The following RORB variants were observed in gnomAD, a reference collection of about 807,000 sequenced individuals.
RORB encodes the protein nuclear receptor ROR-beta.
Under a neutral mutation model 59.1 loss-of-function variants are expected in RORB, and 6 were observed. The ratio of observed to expected loss-of-function variants is 0.10; its 90% CI spans 0.06 to 0.20. The LOEUF is 0.20. Among genes scored for constraint, RORB ranks in the 10% least tolerant of loss-of-function variants. RORB has a pLI of 1.00. For synonymous variants in RORB, 215 were observed against 204.5 expected, an observed-to-expected ratio of 1.05 and a Z score of -0.44; for missense variants, 320 against 560.5, an observed-to-expected ratio of 0.57 and a Z score of 4.33.
chr9:74,503,860 C>T (rs1031727004), intron 1 of RORB, among the ~76,000 whole-genome samples: 3 of 151,950 alleles, frequency 2.0e-5, no homozygotes, highest in African/African-American at 7.2e-5. Context: ...TCTTTCATAG[C>T]GCATATGCTG....
intron 1 of RORB, among the ~76,000 whole-genome samples, chr9:74,538,101 C>T (rs965364739): frequency 1.6e-4 from 25 of 151,988 alleles, no homozygotes; most frequent in African/African-American, 5.1e-4. Context: ...TTTACTGTTA[C>T]GTTACAATTG....
intron 1 of RORB, among the ~76,000 whole-genome samples, chr9:74,601,529 G>A (rs146030129): frequency 0.013 from 2,013 of 152,102 alleles, 22 homozygotes; most frequent in Non-Finnish European, 0.021. Flanking sequence ...AAGTTCTAAC[G>A]TGTGAATAAA....
chr9:74,627,633 G>A (rs1047451542), intron 1 of RORB, among the ~76,000 whole-genome samples: 1 of 152,024 alleles, frequency 6.6e-6, no homozygotes, highest in African/African-American at 2.4e-5. Context: ...AGAACTTATA[G>A]AAGCAGATTC....
At chr9:74,627,763 G>C (rs55962158) in intron 1 of RORB, among the ~76,000 whole-genome samples, 26,218 of 151,208 alleles carry the variant, frequency 0.17, 2,763 homozygotes, top group Non-Finnish European at 0.24. Context: ...TTTTGTAATC[G>C]TTATAAACAA....
intron 8 of RORB, among the ~76,000 whole-genome samples, chr9:74,668,901 G>A (rs1305902025): frequency 6.6e-6 from 1 of 152,110 alleles, no homozygotes; most frequent in Non-Finnish European, 1.5e-5. Context: ...ACAGCAGAGG[G>A]GAAAATGACT....
intron 2 of RORB, among the ~76,000 whole-genome samples, chr9:74,631,962 A>G (rs1823625482): frequency 6.6e-6 from 1 of 152,210 alleles, no homozygotes; most frequent in South Asian, 2.1e-4. Context: ...AATCCTCTCC[A>G]TTGAAAGTAT....
chr9:74,655,290 G>A (rs780001118), intron 4 of RORB, among the ~76,000 whole-genome samples: 31 of 152,210 alleles, frequency 2.0e-4, no homozygotes, highest in Non-Finnish European at 4.4e-4. Flanking sequence ...GAGTTTGTGT[G>A]CATCACCTTT....
chr9:74,568,636 G>T (rs930523185), intron 1 of RORB, among the ~76,000 whole-genome samples: 1 of 148,714 alleles, frequency 6.7e-6, no homozygotes, highest in Non-Finnish European at 1.5e-5. Flanking sequence ...GGAAGCAGAG[G>T]TTGAAGTGAG....
At chr9:74,648,587 T>C (rs1823938975) in intron 4 of RORB, among the ~76,000 whole-genome samples, 1 of 152,162 alleles carries the variant, frequency 6.6e-6, no homozygotes, top group Admixed American at 6.5e-5. Context: ...GCCAGCACAC[T>C]TCCCTCCTGG....
chr9:74,565,395 A>G (rs111544357), intron 1 of RORB, among the ~76,000 whole-genome samples: 2 of 152,172 alleles, frequency 1.3e-5, no homozygotes, highest in African/African-American at 4.8e-5. Flanking sequence ...TTTGAGACAT[A>G]TTCACTTCAA....
At chr9:74,607,820 C>G (rs1463998451) in intron 1 of RORB, among the ~76,000 whole-genome samples, 1 of 152,102 alleles carries the variant, frequency 6.6e-6, no homozygotes, top group Non-Finnish European at 1.5e-5. Flanking sequence ...TAATGACAAA[C>G]TAATCTCATA....
At chr9:74,580,963 G>A (rs1415031529) in intron 1 of RORB, among the ~76,000 whole-genome samples, 2 of 152,110 alleles carry the variant, frequency 1.3e-5, no homozygotes, top group African/African-American at 4.8e-5. Context: ...ATGAAGTTTT[G>A]CCCCACCCAG....
intron 1 of RORB, among the ~76,000 whole-genome samples, chr9:74,596,577 C>T (rs932704): frequency 0.78 from 118,691 of 152,076 alleles, 46,682 homozygotes; most frequent in East Asian, 0.92. Flanking sequence ...AGAACACACA[C>T]TGATTCAGTG....
At chr9:74,637,307 T>G (rs532511673) in intron 3 of RORB, among the ~76,000 whole-genome samples, 1 of 152,344 alleles carries the variant, frequency 6.6e-6, no homozygotes, top group Admixed American at 6.5e-5. Context: ...AGGAAATAGC[T>G]TAAAATAACT....
Position 74,508,023 on chromosome 9 carries a change from A to G in RORB, c.7+10040A>G, listed in dbSNP as rs180989928. 3.9e-4 allele frequency among the ~76,000 whole-genome samples: 59 copies of G among 152,132 alleles called. 1 individual carries two copies. In the East Asian group the frequency reaches 0.011, roughly 29 times the overall value. On this transcript the variant is annotated intron_variant, in intron 1 of 9. Transcript: ENST00000376896. The stretch of plus-strand genomic sequence containing the variant: ...TTATTTAGAATTTTTTCAGATCTCA[A>G]CTTATTGATCTGTTTGCTCTAAAAT...
chr9:74,568,944 A>G (rs1822509830), intron 1 of RORB, among the ~76,000 whole-genome samples: 1 of 152,042 alleles, frequency 6.6e-6, no homozygotes, highest in Non-Finnish European at 1.5e-5. Flanking sequence ...CATACACTCA[A>G]AAAAGCCCTT....
At chr9:74,682,912 C>A (rs1824570795) in intron 9 of RORB, among the ~76,000 whole-genome samples, 1 of 152,138 alleles carries the variant, frequency 6.6e-6, no homozygotes, top group African/African-American at 2.4e-5. Flanking sequence ...ATTCTGAAAA[C>A]CAGTTGTAAA....
intron 1 of RORB, among the ~76,000 whole-genome samples, chr9:74,564,224 C>T (rs998954391): frequency 2.6e-5 from 4 of 152,164 alleles, no homozygotes; most frequent in Non-Finnish European, 5.9e-5. Flanking sequence ...GGTGTTCTAA[C>T]ATCTGTCCAT....
rs201358985 is a variant in RORB at position 74,497,711 on chromosome 9, A to AT, written c.-257dup. On this transcript the variant is annotated 5_prime_UTR_variant, in exon 1 of 10. Transcript: ENST00000376896. ...AACCCAGGCACCAGACAGCCAGAAC[A>AT]TTTTTTTTTCACCCTTCCTGAAAAC... The AT allele has an allele frequency of 1.0e-3, 516 of 499,184 alleles. No individual in the cohort carries two copies. The highest frequency in any genetic ancestry group is 1.5e-3 in the South Asian group (43 of 28,138). The allele number at this position is 499,184 out of a possible 1,614,324, so 30.9% of individuals were successfully genotyped here. A position where few individuals can be genotyped will look rare whatever the true frequency, so the allele number is the denominator to read the frequency against.
Sources: allele counts gnomAD v4.1 joint callset (sites outside exome capture counted in the v4.1 genomes callset), GRCh38; gene constraint gnomAD v4.1.1; transcripts MANE v1.5; gene names NCBI Gene and HGNC (gene_info 2026-07-23, HGNC 2026-07-21).